PIP5K1B: variants seen among roughly 807,000 people sequenced by gnomAD.
The protein encoded by PIP5K1B is phosphatidylinositol-4-phosphate 5-kinase type 1 beta, also known as phosphatidylinositol 4-phosphate 5-kinase type-1 beta.
In PIP5K1B, 42 loss-of-function variants were observed where a neutral mutation model predicts 67.0. The ratio of observed to expected loss-of-function variants is 0.63; its 90% confidence interval spans 0.49 to 0.81. PIP5K1B has a LOEUF of 0.81. PIP5K1B is among the 30% of genes least tolerant of loss of function. The pLI, the probability that PIP5K1B is intolerant of heterozygous loss-of-function variation, is 0.00. For synonymous variants in PIP5K1B, 214 were observed against 231.4 expected, an observed-to-expected ratio of 0.92 and a Z score of 0.68; for missense variants, 459 against 646.3, an observed-to-expected ratio of 0.71 and a Z score of 3.14.
chr9:68,898,661 C>T (rs960922243), intron 8 of PIP5K1B, among the ~76,000 whole-genome samples: 4 of 152,102 alleles, frequency 2.6e-5, no homozygotes, highest in African/African-American at 7.2e-5. Flanking sequence ...ACATGACCAT[C>T]GTGCAGCCAG....
At chr9:68,722,678 T>C (rs1268680275) in intron 1 of PIP5K1B, among the ~76,000 whole-genome samples, 1 of 151,076 alleles carries the variant, frequency 6.6e-6, no homozygotes, top group African/African-American at 2.4e-5. Flanking sequence ...TTATTATTAG[T>C]ATATCATATA....
intron 5 of PIP5K1B, 97 bp downstream of exon 5, chr9:68,864,064 T>A (rs1823242949): frequency 8.8e-7 from 1 of 1,134,356 alleles, no homozygotes; most frequent in African/African-American, 1.6e-5. Context: ...CATGTTTATA[T>A]GTACAGATGT....
At chr9:68,846,746 C>T (rs1396147811) in intron 4 of PIP5K1B, among the ~76,000 whole-genome samples, 1 of 152,096 alleles carries the variant, frequency 6.6e-6, no homozygotes, top group African/African-American at 2.4e-5. Flanking sequence ...GTTATTTATT[C>T]CTCTAACATA....
intron 4 of PIP5K1B, among the ~76,000 whole-genome samples, chr9:68,831,287 G>A (rs763095998): frequency 8.5e-5 from 13 of 152,178 alleles, no homozygotes; most frequent in Non-Finnish European, 1.3e-4. Flanking sequence ...AATTTTAAAA[G>A]CAATGCTAAT....
chr9:68,736,396 C>T (rs1480313823), intron 1 of PIP5K1B, among the ~76,000 whole-genome samples: 1 of 151,830 alleles, frequency 6.6e-6, no homozygotes, highest in Non-Finnish European at 1.5e-5. Context: ...CATTTTTTTT[C>T]TGTTGCTCTG....
At chr9:68,789,927 A>C (rs1831864046) in intron 2 of PIP5K1B, among the ~76,000 whole-genome samples, 1 of 152,200 alleles carries the variant, frequency 6.6e-6, no homozygotes, top group African/African-American at 2.4e-5. Context: ...TGAAATTACC[A>C]ATCCCACAAA....
chr9:68,979,460 C>A (rs57919809), intron 14 of PIP5K1B, among the ~76,000 whole-genome samples: 27,553 of 126,870 alleles, frequency 0.22, 2,731 homozygotes, highest in East Asian at 0.43. Context: ...AATCTCATAG[C>A]GATATACGGT....
intron 8 of PIP5K1B, among the ~76,000 whole-genome samples, chr9:68,899,498 C>G (rs1383445173): frequency 6.6e-6 from 1 of 152,104 alleles, no homozygotes; most frequent in Non-Finnish European, 1.5e-5. Flanking sequence ...GGTAAGAAAC[C>G]TGTCTTTGGT....
At chr9:68,871,937 G>T (rs1823646886) in intron 5 of PIP5K1B, among the ~76,000 whole-genome samples, 5 of 149,634 alleles carry the variant, frequency 3.3e-5, no homozygotes, top group Admixed American at 3.3e-4. Context: ...CCCTACATAA[G>T]TGCATTGAAG....
intron 12 of PIP5K1B, among the ~76,000 whole-genome samples, chr9:68,924,909 T>C (rs1178865757): frequency 6.6e-6 from 1 of 152,194 alleles, no homozygotes; most frequent in African/African-American, 2.4e-5. Context: ...CTGCTAATAC[T>C]TTGATGTACT....
intron 8 of PIP5K1B, among the ~76,000 whole-genome samples, chr9:68,901,650 C>G (rs972850000): frequency 6.6e-6 from 1 of 152,160 alleles, no homozygotes; most frequent in Non-Finnish European, 1.5e-5. Context: ...TGAGTTTTGG[C>G]TATCTGTAAT....
chr9:68,934,708 T>C (rs1042840165), intron 12 of PIP5K1B, among the ~76,000 whole-genome samples, 182 bp from the exon 13 acceptor site: 2 of 152,222 alleles, frequency 1.3e-5, no homozygotes, highest in African/African-American at 2.4e-5. Context: ...ATATAGCCAA[T>C]TCATCGTATT....
intron 4 of PIP5K1B, among the ~76,000 whole-genome samples, chr9:68,840,233 C>T (rs372355037): frequency 8.6e-5 from 13 of 152,022 alleles, no homozygotes; most frequent in Admixed American, 7.2e-4. Flanking sequence ...AAAAATTAGC[C>T]GGGCATGGTG....
chr9:68,717,750 C>A (rs752214974), intron 1 of PIP5K1B, among the ~76,000 whole-genome samples: 2 of 152,160 alleles, frequency 1.3e-5, no homozygotes, highest in Non-Finnish European at 2.9e-5. Context: ...CTTGGATAGT[C>A]CTTTGTAGCC....
At chr9:68,897,409 TGTGAAGATTAGA>T (rs2132423404) in intron 8 of PIP5K1B, among the ~76,000 whole-genome samples, 1 of 152,316 alleles carries the variant, frequency 6.6e-6, no homozygotes, top group African/African-American at 2.4e-5. Flanking sequence ...GATATTATAT[TGTGAAGATTAGA>T]GTAGGGAACA....
intron 14 of PIP5K1B, among the ~76,000 whole-genome samples, chr9:68,964,945 G>T (rs1336474022): frequency 1.3e-5 from 2 of 152,232 alleles, no homozygotes; most frequent in Non-Finnish European, 2.9e-5. Context: ...TATGAGCAAA[G>T]TGAAACCAGA....
intron 14 of PIP5K1B, among the ~76,000 whole-genome samples, chr9:68,955,000 G>T (rs943109790): frequency 6.6e-6 from 1 of 152,176 alleles, no homozygotes; most frequent in Non-Finnish European, 1.5e-5. Flanking sequence ...TATAATATTT[G>T]TATAAATAGT....
intron 1 of PIP5K1B, among the ~76,000 whole-genome samples, chr9:68,723,695 G>GTTTTTTTTTTTTTTTTTT (rs36021674): frequency 2.2e-4 from 11 of 50,130 alleles, no homozygotes; most frequent in Non-Finnish European, 3.6e-4. Context: ...GAAGTATTTG[G>GTTTTTTTTTTTTTTTTTT]TTTTTTTTTT....
At chr9:68,767,392 G>C (rs924776689) in intron 2 of PIP5K1B, among the ~76,000 whole-genome samples, 4 of 152,020 alleles carry the variant, frequency 2.6e-5, no homozygotes, top group African/African-American at 9.7e-5. Context: ...TCAGGAGTTC[G>C]AGACCAGCCT....
Sources: allele counts gnomAD v4.1 joint callset (sites outside exome capture counted in the v4.1 genomes callset), GRCh38; gene constraint gnomAD v4.1.1; transcripts MANE v1.5; gene names NCBI Gene and HGNC (gene_info 2026-07-23, HGNC 2026-07-21).